Variants in TMEM108 observed in about 807,000 individuals in gnomAD.
TMEM108 encodes the protein cancer/testis antigen 124.
TMEM108 carries 12 observed loss-of-function variants against 35.1 expected under a neutral mutation model. That is an observed-to-expected ratio of 0.34 (90% CI 0.22 to 0.55). TMEM108 has a LOEUF of 0.55. TMEM108 is among the 20% of genes least tolerant of loss of function. The probability of loss-of-function intolerance (pLI) is 0.89; values close to 1 mark genes in which losing one functional copy is unlikely to be tolerated. For missense variants in TMEM108, 680 were observed against 753.3 expected (o/e 0.90, Z 1.14); for synonymous variants, 287 against 308.6 (o/e 0.93, Z 0.73).
At chr3:133,142,833 C>T (rs1231079129) in intron 2 of TMEM108, among the ~76,000 whole-genome samples, 1 of 152,162 alleles carries the variant, frequency 6.6e-6, no homozygotes, top group Non-Finnish European at 1.5e-5. Flanking sequence ...AAATGCTTTA[C>T]ATGTCTCAAT....
chr3:133,068,055 T>C (rs1330085567), intron 2 of TMEM108, among the ~76,000 whole-genome samples: 1 of 151,746 alleles, frequency 6.6e-6, no homozygotes, highest in Non-Finnish European at 1.5e-5. Flanking sequence ...TCATGGTAAC[T>C]AACCAATCCC....
chr3:133,091,291 C>T (rs1035809298), intron 2 of TMEM108, among the ~76,000 whole-genome samples: 1 of 152,050 alleles, frequency 6.6e-6, no homozygotes, highest in Non-Finnish European at 1.5e-5. Flanking sequence ...ATCCTCTTTA[C>T]AGGGATCTTC....
chr3:133,295,103 G>A (rs1022985724), intron 3 of TMEM108, among the ~76,000 whole-genome samples: 1 of 152,122 alleles, frequency 6.6e-6, no homozygotes, highest in Non-Finnish European at 1.5e-5. Context: ...AATTTGAGAT[G>A]CTGCAGTCAC....
chr3:133,177,481 C>T (rs1387573966), intron 2 of TMEM108, among the ~76,000 whole-genome samples: 1 of 152,210 alleles, frequency 6.6e-6, no homozygotes, highest in Admixed American at 6.5e-5. Context: ...ATCAAGTGGG[C>T]TTCATCCCTG....
intron 3 of TMEM108, among the ~76,000 whole-genome samples, chr3:133,376,985 C>T (rs763348652): frequency 6.6e-6 from 1 of 152,152 alleles, no homozygotes; most frequent in Non-Finnish European, 1.5e-5. Flanking sequence ...GTCCTCTCTC[C>T]TTGGCTTGCA....
At chr3:133,271,320 A>G (rs1410557200) in intron 3 of TMEM108, among the ~76,000 whole-genome samples, 1 of 152,204 alleles carries the variant, frequency 6.6e-6, no homozygotes, top group Non-Finnish European at 1.5e-5. Context: ...TTGTCTGCGG[A>G]GTTGGAAACA....
At chr3:133,295,033 C>A (rs186244999) in intron 3 of TMEM108, among the ~76,000 whole-genome samples, 2 of 152,222 alleles carry the variant, frequency 1.3e-5, no homozygotes, top group East Asian at 1.9e-4. Context: ...TATGAAGTAT[C>A]CCCTCCCCAC....
chr3:133,174,219 C>T (rs1321473884), intron 2 of TMEM108, among the ~76,000 whole-genome samples: 1 of 152,260 alleles, frequency 6.6e-6, no homozygotes, highest in Non-Finnish European at 1.5e-5. Context: ...CTCAAGGAGG[C>T]CAGCCTGCCT....
At chr3:133,306,025 C>G (rs2071029843) in intron 3 of TMEM108, among the ~76,000 whole-genome samples, 1 of 151,974 alleles carries the variant, frequency 6.6e-6, no homozygotes, top group African/African-American at 2.4e-5. Flanking sequence ...GATATTTTCT[C>G]CTGTGGCTTA....
intron 2 of TMEM108, among the ~76,000 whole-genome samples, chr3:133,170,046 T>C (rs1945107062): frequency 6.6e-6 from 1 of 152,206 alleles, no homozygotes; most frequent in Non-Finnish European, 1.5e-5. Flanking sequence ...GGGATAACTT[T>C]TACACCACAG....
chr3:133,124,297 C>G (rs561878979), intron 2 of TMEM108, among the ~76,000 whole-genome samples: 2 of 152,274 alleles, frequency 1.3e-5, no homozygotes, highest in East Asian at 3.9e-4. Context: ...TAAATAAAAA[C>G]CAAAAGGTGT....
At chr3:133,155,318 CAT>C (rs1944864413) in intron 2 of TMEM108, among the ~76,000 whole-genome samples, 1 of 152,122 alleles carries the variant, frequency 6.6e-6, no homozygotes, top group African/African-American at 2.4e-5. Context: ...CTGCAATAAA[CAT>C]AATGTGTGCA....
rs568981051 is a variant in TMEM108, at chr3:133,260,087, C to T, written c.40+30736C>T. On this transcript the variant is annotated intron_variant, in intron 3 of 5. Coordinates refer to ENST00000321871, the MANE Select transcript of TMEM108 (RefSeq NM_023943.4). ...TCTGCACCTTGAGCCAGGTGTTAAG[C>T]GTCTTTGCTTCAGTAAAGCATTAAT... 5.1e-4 allele frequency among the ~76,000 whole-genome samples: 78 copies of T among 152,274 alleles called. No individual in the cohort carries two copies. The South Asian group carries it at 0.016, about 31-fold the overall frequency.
Position 133,380,419 on chromosome 3 carries a change from C to A in TMEM108, c.708C>A (p.Thr236=). 6.2e-7 allele frequency: 1 copy of A among 1,613,630 alleles called. No individual in the cohort carries two copies. The highest frequency in any genetic ancestry group is 8.5e-7 in the Non-Finnish European group (1 of 1,179,720). Residue 236 remains threonine (T), a synonymous_variant, in exon 4 of 6, where the codon ACC becomes ACA. Coordinates refer to ENST00000321871, the MANE Select transcript of TMEM108 (RefSeq NM_023943.4). This position sits in a 1 kb window ranked among gnomAD's most constrained non-coding sequence, Gnocchi z 5.3. ...GSVEPEPSTL[T]PRTPLWGYSS... Reference sequence around the variant, plus strand: ...TGGAACCGGAGCCCTCTACCCTCACCCCCAGGACCCCACTCTGGGGCTACT... The same window carrying A: ...TGGAACCGGAGCCCTCTACCCTCACACCCAGGACCCCACTCTGGGGCTACT...
chr3:133,279,284 T>C (rs1235932621), intron 3 of TMEM108, among the ~76,000 whole-genome samples: 1 of 152,212 alleles, frequency 6.6e-6, no homozygotes, highest in Non-Finnish European at 1.5e-5. Flanking sequence ...TTGAGACACC[T>C]GTTACTCCCA....
chr3:133,167,419 G>C (rs181589832), intron 2 of TMEM108, among the ~76,000 whole-genome samples: 1 of 152,268 alleles, frequency 6.6e-6, no homozygotes, highest in Admixed American at 6.5e-5. Context: ...GCCCTTGGGC[G>C]GTCCATGGGA....
chr3:133,230,437 T>G (rs1191635721), intron 3 of TMEM108, among the ~76,000 whole-genome samples: 1 of 152,224 alleles, frequency 6.6e-6, no homozygotes, highest in Non-Finnish European at 1.5e-5. Flanking sequence ...ATAGGGACTT[T>G]CTCATGTTCC....
At chr3:133,101,106 A>G (rs578090038) in intron 2 of TMEM108, among the ~76,000 whole-genome samples, 2 of 152,338 alleles carry the variant, frequency 1.3e-5, no homozygotes, top group Non-Finnish European at 2.9e-5. Context: ...GCTTCTGTAC[A>G]TAATGGAGCA....
chr3:133,152,498 A>G (rs1576347692), intron 2 of TMEM108, among the ~76,000 whole-genome samples: 1 of 152,152 alleles, frequency 6.6e-6, no homozygotes. Context: ...ATCCGTCTTT[A>G]TAGTTGTTTT....
Sources: gnomAD v4.1 joint callset for allele counts (sites outside exome capture counted in the v4.1 genomes callset) on GRCh38, gnomAD v4.1.1 for gene constraint, Gnocchi (gnomAD v3.1) non-coding constraint, MANE v1.5 for transcripts, NCBI Gene and HGNC (gene_info 2026-07-23, HGNC 2026-07-21) for gene names.